The following SUOX variants were observed in gnomAD, a reference collection of about 807,000 sequenced individuals.
The protein encoded by SUOX is sulfite oxidase, mitochondrial.
A neutral mutation model predicts 41.9 loss-of-function variants in SUOX; 39 were observed. The ratio of observed to expected loss-of-function variants is 0.93; its 90% confidence interval spans 0.72 to 1.21. SUOX has a LOEUF of 1.21. SUOX is among the 50% of genes most tolerant of loss of function. The pLI, the probability that SUOX is intolerant of heterozygous loss-of-function variation, is 0.00. For synonymous variants in SUOX, 220 were observed against 268.4 expected (o/e 0.82, Z 1.76); for missense variants, 633 against 689.5 (o/e 0.92, Z 0.92).
At chr12:56,002,936 A>G (rs1890588758) in intron 4 of SUOX, 2 of 525,540 alleles carry the variant, frequency 3.8e-6, no homozygotes, top group Middle Eastern at 5.3e-4. Context: ...CTGAGACACA[A>G]GAATCACTTA....
intron 3 of SUOX, 39 bp from the exon 4 acceptor site, chr12:56,002,504 C>G (rs900270154): frequency 6.2e-7 from 1 of 1,613,424 alleles, no homozygotes; most frequent in Non-Finnish European, 8.5e-7. Context: ...AGCCCTTTCA[C>G]ATGACCATAC....
At position 56,004,183 on chromosome 12, in the gene SUOX, C is replaced by G; in HGVS notation, c.794C>G (p.Ala265Gly). ...RYEITVTLQC[A>G]GNRRSEMTQV... ...GAGATCACAGTCACTCTGCAGTGTG[C>G]CGGCAACCGACGCTCTGAGATGACT... The change falls in exon 5 of 5, where the codon GCC becomes GGC. Residue 265 changes from alanine to glycine, a missense_variant. Transcript: ENST00000266971. This position sits in a 1 kb window ranked among gnomAD's most constrained non-coding sequence, Gnocchi z 4.5. 6.2e-7 allele frequency: 1 copy of G among 1,614,102 alleles called. No individual in the cohort carries two copies. The highest frequency in any genetic ancestry group is 8.5e-7 in the Non-Finnish European group (1 of 1,180,024).
intron 2 of SUOX, among the ~76,000 whole-genome samples, chr12:56,001,079 C>T (rs1443316926): frequency 1.3e-5 from 2 of 149,546 alleles, no homozygotes; most frequent in African/African-American, 2.5e-5. Flanking sequence ...GCCACTGCGC[C>T]GGGCTAATTT....
chr12:56,000,426 C>T (rs932261983), intron 2 of SUOX, among the ~76,000 whole-genome samples: 6 of 152,220 alleles, frequency 3.9e-5, no homozygotes, highest in African/African-American at 1.2e-4. Context: ...CAGGGCCAGC[C>T]GGCTGCTCCG....
At chr12:56,002,421 T>C (rs956053362) in intron 3 of SUOX, 122 bp from the exon 4 acceptor site, 84 of 1,516,628 alleles carry the variant, frequency 5.5e-5, no homozygotes, top group Non-Finnish European at 7.5e-5. Flanking sequence ...CACCTATCCC[T>C]GGAGAAACTA....
At chr12:56,002,957 G>A (rs948477312) in intron 4 of SUOX, 5 of 474,752 alleles carry the variant, frequency 1.1e-5, no homozygotes, top group South Asian at 4.3e-5. Flanking sequence ...AACCCAGGAG[G>A]CTAAGTCTGC....
chr12:55,997,902 G>C (rs1229783421), intron 2 of SUOX, among the ~76,000 whole-genome samples, 179 bp downstream of exon 2: 2 of 152,078 alleles, frequency 1.3e-5, no homozygotes, highest in Non-Finnish European at 2.9e-5. Flanking sequence ...GGCCCTGCTG[G>C]GTCAGTGCTC....
rs1486789291 is a variant in SUOX at position 56,003,632 on chromosome 12, A to C, written c.243A>C (p.Ser81=). 1 of 1,614,180 alleles carries C rather than the reference A, an allele frequency of 6.2e-7. No individual in the cohort carries two copies. The change falls in exon 5 of 5, where the codon TCA becomes TCC. Residue 81 remains serine, a synonymous_variant. Transcript: ENST00000266971. ...QDHRCRAAQE[S]THIYTKEEVS... ...CCTGCCAATAGGCTGCTCAGGAGTC[A>C]ACACACATATACACTAAGGAGGAAG...
In SUOX at chr12:56,004,326, G is replaced by T; in HGVS notation, c.937G>T (p.Glu313Ter). The T allele has an allele frequency of 6.2e-7, 1 of 1,614,150 alleles. No individual in the cohort carries two copies. The change falls in exon 5 of 5, where the codon GAG becomes TAG. Residue 313 changes from glutamate to a stop codon, truncating the protein, a stop_gained. Transcript: ENST00000266971. LOFTEE classifies it high-confidence loss of function. This position sits in a 1 kb window ranked among gnomAD's most constrained non-coding sequence, Gnocchi z 4.5. ...GGCTGGCCACCAACTCTGTGAAACT[G>T]AGGCCCACGTCTGCTTTGAGGGACT... ...AQAGHQLCET[E>*]AHVCFEGLDS... is the part of the protein sequence containing the mutation.
chr12:56,002,470 A>G (rs1289980570), intron 3 of SUOX, 73 bp from the exon 4 acceptor site: 26 of 1,599,458 alleles, frequency 1.6e-5, no homozygotes, highest in Non-Finnish European at 2.2e-5. Context: ...CCAGGGAGAA[A>G]GAAGTAGACC....
intron 2 of SUOX, chr12:56,001,946 A>T: frequency 7.5e-7 from 1 of 1,339,646 alleles, no homozygotes; most frequent in Non-Finnish European, 9.6e-7. Flanking sequence ...AGATGGGAGA[A>T]AGGTGATTCT....
chr12:56,004,382 A>C lies in SUOX; in HGVS notation c.993A>C (p.Gly331=). 1.2e-6 allele frequency: 2 copies of C among 1,613,940 alleles called. No individual in the cohort carries two copies. The highest frequency in any genetic ancestry group is 1.7e-6 in the Non-Finnish European group (2 of 1,179,928). ...CAGACCCTACTGGGACTGCCTATGG[A>C]GCATCCATCCCTCTGGCTCGGGCCA... is the stretch of plus-strand genomic sequence containing the variant. The part of the protein sequence containing the change: ...LDSDPTGTAY[G]ASIPLARAMD... The change falls in exon 5 of 5, where the codon GGA becomes GGC. Residue 331 remains glycine, a synonymous_variant. Coordinates refer to ENST00000266971, the MANE Select transcript of SUOX (RefSeq NM_001032386.2). The surrounding 1 kb of genome is among the most constrained non-coding windows in gnomAD (Gnocchi z 4.5).
At chr12:55,998,975 G>A (rs1890410966) in intron 2 of SUOX, among the ~76,000 whole-genome samples, 1 of 151,074 alleles carries the variant, frequency 6.6e-6, no homozygotes, top group Non-Finnish European at 1.5e-5. Context: ...ACCATGCCCA[G>A]TTAATTTGTT....
Position 56,004,978 on chromosome 12 carries a change from G to T in SUOX, c.1589G>T (p.Gly530Val). The T allele has an allele frequency of 1.2e-6, 2 of 1,614,100 alleles. No individual in the cohort carries two copies. Among genetic ancestry groups the T allele is most frequent in the Non-Finnish European group, 1.7e-6 (2 of 1,180,046 alleles). Residue 530 changes from glycine (G) to valine (V), a missense_variant, in exon 5 of 5, where the codon GGT becomes GTT. Gly to Val is a moderately radical substitution (Grantham distance 109, BLOSUM62 -3). Coordinates refer to ENST00000266971, the MANE Select transcript of SUOX (RefSeq NM_001032386.2). The surrounding 1 kb of genome is among the most constrained non-coding windows in gnomAD (Gnocchi z 4.5). ...DTVAPIWNLR[G>V]VLSNAWHRVH... ...GTGGCCCCAATCTGGAACCTGCGAG[G>T]TGTTCTCAGCAATGCCTGGCATCGT...
chr12:56,002,064 T>G, intron 2 of SUOX, 148 bp from the exon 3 acceptor site: 2 of 1,474,300 alleles, frequency 1.4e-6, no homozygotes, highest in East Asian at 2.5e-5. Context: ...TAAGGGCCCA[T>G]TTGGACTCCC....
chr12:56,003,964 G>A lies in SUOX; in HGVS notation c.575G>A (p.Arg192Gln), dbSNP rs535313141. The change falls in exon 5 of 5, where the codon CGG becomes CAG. Residue 192 changes from arginine (R) to glutamine (Q), a missense_variant. Transcript: ENST00000266971. ...CCAGCCCTGAAGGTCAACAGCCAGC[G>A]GCCCTTTAATGCAGAGCCTCCCCCT... ...RHPALKVNSQ[R>Q]PFNAEPPPEL... The A allele has an allele frequency of 2.3e-5, 37 of 1,614,122 alleles. No individual in the cohort carries two copies. The African/African-American group carries it at 2.4e-4, about 10-fold the overall frequency.
At position 56,005,397 on chromosome 12, in the gene SUOX, T is replaced by C. The variant is rs1183729247; in HGVS notation, c.*370T>C. The C allele has an allele frequency of 3.5e-6, 2 of 571,650 alleles. No homozygotes were observed. The highest frequency in any genetic ancestry group is 5.6e-5 in the East Asian group (2 of 35,758). The allele number at this position is 571,650 out of a possible 1,614,324, so 35.4% of individuals were successfully genotyped here. On this transcript the variant is annotated 3_prime_UTR_variant, in exon 5 of 5. Coordinates refer to ENST00000266971, the MANE Select transcript of SUOX (RefSeq NM_001032386.2). ...TTCAGAGAAATGTGTGTGGCATGTG[T>C]AAGAAAAGTGTATATACTATCTTAT...
At position 56,005,469 on chromosome 12, in the gene SUOX, C is replaced by T; in HGVS notation, c.*442C>T. 2.2e-6 allele frequency: 1 copy of T among 446,024 alleles called. No individual in the cohort carries two copies. Among genetic ancestry groups the T allele is most frequent in the South Asian group, 5.4e-5 (1 of 18,588 alleles). 27.6% of individuals were successfully genotyped at this position (446,024 alleles called of 1,614,324 possible). The stretch of plus-strand genomic sequence containing the variant: ...AGAGTTGCGAGGAGAGCAAGGGGCA[C>T]AACCGTCTCCCTTTATAGTTCTACT... On this transcript the variant is annotated 3_prime_UTR_variant, in exon 5 of 5. Transcript: ENST00000266971.
Position 56,002,250 on chromosome 12 carries a change from T to C in SUOX, c.29T>C (p.Leu10Pro). 1.2e-6 allele frequency: 2 copies of C among 1,612,680 alleles called. No individual in the cohort carries two copies. The highest frequency in any genetic ancestry group is 1.7e-6 in the Non-Finnish European group (2 of 1,180,038). MLLLHRAVVLRLQQACRLKS... is the reference protein window; with the variant it reads MLLLHRAVVPRLQQACRLKS... ...CTGCTGCTGCACAGAGCTGTGGTCC[T>C]CAGGCTCCAACAGGCCTGCAGGTAG... Residue 10 changes from leucine to proline, a missense_variant, in exon 3 of 5, where the codon CTC becomes CCC. Coordinates refer to ENST00000266971, the MANE Select transcript of SUOX (RefSeq NM_001032386.2).
Sources: gnomAD v4.1 joint callset for allele counts (sites outside exome capture counted in the v4.1 genomes callset) on GRCh38, gnomAD v4.1.1 for gene constraint, Gnocchi (gnomAD v3.1) non-coding constraint, MANE v1.5 for transcripts, NCBI Gene and HGNC (gene_info 2026-07-23, HGNC 2026-07-21) for gene names.